SGSM2: variants seen among roughly 807,000 people sequenced by gnomAD.
SGSM2 encodes RUN and TBC1 domain containing 1.
A neutral mutation model predicts 126.6 loss-of-function variants in SGSM2; 89 were observed. That is an observed-to-expected ratio of 0.70 (90% confidence interval 0.59 to 0.84). The LOEUF (loss-of-function observed/expected upper bound fraction) is 0.84, where lower values mean the gene tolerates loss of function less well. SGSM2 is among the 40% of genes least tolerant of loss of function. The pLI is 0.00. For synonymous variants in SGSM2, 614 were observed against 574.3 expected, an observed-to-expected ratio of 1.07 and a Z score of -0.99; for missense variants, 1,404 against 1,416.6, an observed-to-expected ratio of 0.99 and a Z score of 0.14.
chr17:2,362,960 G>C lies in SGSM2; in HGVS notation c.527-29G>C. On this transcript the variant is annotated intron_variant, in intron 5 of 23. Coordinates refer to ENST00000268989, the MANE Select transcript of SGSM2 (RefSeq NM_014853.3). This position sits in a 1 kb window ranked among gnomAD's most constrained non-coding sequence, Gnocchi z 4.9. ...ACGGGGCAGGTGCTGAGGGAGCATC[G>C]TCTGGGCTGGCTGTCTCTGTCTCCA... is the stretch of plus-strand genomic sequence containing the variant. 4 of 1,614,052 alleles carry C rather than the reference G, an allele frequency of 2.5e-6. No homozygotes were observed. Among genetic ancestry groups the C allele is most frequent in the Non-Finnish European group, 3.4e-6 (4 of 1,179,996 alleles).
chr17:2,347,386 T>C (rs892098337), intron 2 of SGSM2, among the ~76,000 whole-genome samples: 1 of 150,836 alleles, frequency 6.6e-6, no homozygotes, highest in Non-Finnish European at 1.5e-5. Context: ...GGATTACAGG[T>C]GTGAACCATC....
rs59348778 is a variant in SGSM2 at position 2,380,374 on chromosome 17, G to C, written c.*854G>C. ...ATCCCAGGGTGACTCTGTCGGGGAA[G>C]AATCCGGTCACAGCCTCCCCTCAGA... On this transcript the variant is annotated 3_prime_UTR_variant, in exon 24 of 24. Coordinates refer to ENST00000268989, the MANE Select transcript of SGSM2 (RefSeq NM_014853.3). 0.065 allele frequency: 92,598 copies of C among 1,422,446 alleles called. 4,018 individuals carry two copies. Among genetic ancestry groups the C allele is most frequent in the African/African-American group, 0.16 (11,589 of 70,724 alleles). The allele number at this position is 1,422,446 out of a possible 1,614,324, so 88.1% of individuals were successfully genotyped here. A position where few individuals can be genotyped will look rare whatever the true frequency, so the allele number is the denominator to read the frequency against.
chr17:2,373,591 C>A, intron 17 of SGSM2, 78 bp downstream of exon 17: 1 of 1,349,728 alleles, frequency 7.4e-7, no homozygotes, highest in Non-Finnish European at 1.0e-6. Context: ...TGAGCACCAG[C>A]CTGACCTCTG....
intron 1 of SGSM2, among the ~76,000 whole-genome samples, chr17:2,339,784 T>C (rs1260425340): frequency 3.3e-5 from 5 of 151,474 alleles, no homozygotes; most frequent in Non-Finnish European, 7.4e-5. Flanking sequence ...TACTAGGCCC[T>C]AATGTTTGTT....
At chr17:2,345,220 T>C (rs921387745) in intron 2 of SGSM2, among the ~76,000 whole-genome samples, 11 of 152,154 alleles carry the variant, frequency 7.2e-5, no homozygotes, top group African/African-American at 2.7e-4. Context: ...CCCAGCACTT[T>C]GGGAGGTGAG....
chr17:2,374,876 CCAAA>C (rs769317308), intron 17 of SGSM2, among the ~76,000 whole-genome samples: 42 of 152,254 alleles, frequency 2.8e-4, no homozygotes, highest in African/African-American at 9.6e-4. Context: ...GAGAAAAATC[CCAAA>C]CAGTCTCTGT....
intron 2 of SGSM2, among the ~76,000 whole-genome samples, chr17:2,356,961 T>C (rs2429902): frequency 0.19 from 10,397 of 55,434 alleles, 2,073 homozygotes; most frequent in African/African-American, 0.31. Context: ...ATGGTGGAAT[T>C]GGGGTGTAAG....
At chr17:2,377,768 C>T in intron 21 of SGSM2, 89 bp from the exon 22 acceptor site, 2 of 825,938 alleles carry the variant, frequency 2.4e-6, no homozygotes, top group East Asian at 2.5e-5. Flanking sequence ...GGATCGCCTG[C>T]ATCCCTGGGC....
At position 2,380,550 on chromosome 17, in the gene SGSM2, C is replaced by T. The variant is rs2066368481; in HGVS notation, c.*1030C>T. ...GCCTTCCACATGCTTCTCAGGATGC[C>T]AAGAGGCCTAGGAACCCAGAAACCC... On this transcript the variant is annotated 3_prime_UTR_variant, in exon 24 of 24. Transcript: ENST00000268989. The T allele has an allele frequency of 3.5e-6, 2 of 567,966 alleles. No homozygotes were observed. The highest frequency in any genetic ancestry group is 3.2e-6 in the Non-Finnish European group (1 of 317,264). The allele number at this position is 567,966 out of a possible 1,614,324, so 35.2% of individuals were successfully genotyped here.
intron 19 of SGSM2, 88 bp from the exon 20 acceptor site, chr17:2,376,645 G>A: frequency 1.4e-6 from 2 of 1,395,946 alleles, no homozygotes; most frequent in East Asian, 4.6e-5. Flanking sequence ...CTTCTGGGCG[G>A]CAGGTGGCTC....
chr17:2,358,187 G>A (rs1199551044), intron 2 of SGSM2, among the ~76,000 whole-genome samples: 1 of 152,154 alleles, frequency 6.6e-6, no homozygotes, highest in African/African-American at 2.4e-5. Context: ...TGGTGCTCTG[G>A]GCCTCCAGTC....
intron 18 of SGSM2, 101 bp from the exon 19 acceptor site, chr17:2,376,036 C>A (rs1236055268): frequency 1.3e-6 from 2 of 1,574,864 alleles, no homozygotes; most frequent in African/African-American, 1.3e-5. Flanking sequence ...TCGCTCTGGT[C>A]TCTGGGTTCC....
chr17:2,378,014 C>T (rs1343627267), intron 22 of SGSM2, 61 bp downstream of exon 22: 13 of 1,085,996 alleles, frequency 1.2e-5, no homozygotes, highest in Non-Finnish European at 1.8e-5. Flanking sequence ...CCTCTTCCCC[C>T]AAGCCAACAG....
intron 2 of SGSM2, 84 bp downstream of exon 2, chr17:2,343,704 G>A (rs2064473826): frequency 8.6e-7 from 1 of 1,160,986 alleles, no homozygotes; most frequent in Admixed American, 1.9e-5. Context: ...GAGTCCTCAG[G>A]TGCAGTAGCT....
chr17:2,372,425 G>GC lies in SGSM2; in HGVS notation c.1730dup (p.Ala579GlyfsTer129). 6.3e-7 allele frequency: 1 copy of GC among 1,599,164 alleles called. No individual in the cohort carries two copies. Among genetic ancestry groups the GC allele is most frequent in the Non-Finnish European group, 8.5e-7 (1 of 1,175,158 alleles). On this transcript the variant is annotated frameshift_variant, in exon 15 of 24. Coordinates refer to ENST00000268989, the MANE Select transcript of SGSM2 (RefSeq NM_014853.3). LOFTEE classifies it high-confidence loss of function. The surrounding 1 kb of genome is among the most constrained non-coding windows in gnomAD (Gnocchi z 6.0). ...ACCATAGCGTTATCCCACCTGACCG[G>GC]CCCCCGGGGGCCTCCGCGGGCCTCA...
chr17:2,360,248 G>A (rs574566666), intron 2 of SGSM2, among the ~76,000 whole-genome samples: 2 of 152,266 alleles, frequency 1.3e-5, no homozygotes, highest in Admixed American at 6.5e-5. Flanking sequence ...AGGCTGAGGC[G>A]GGAGAATCAC....
In SGSM2 at chr17:2,379,925, G is replaced by C. The variant is rs768375647; in HGVS notation, c.*405G>C. On this transcript the variant is annotated 3_prime_UTR_variant, in exon 24 of 24. Coordinates refer to ENST00000268989, the MANE Select transcript of SGSM2 (RefSeq NM_014853.3). ...CAGCTGGGGTGGCAGAGGGCGAGAG[G>C]CTCTGTGCTGTGTCCCTTCTGAGGG... 74 of 1,315,984 alleles carry C rather than the reference G, an allele frequency of 5.6e-5. No individual in the cohort carries two copies. The highest frequency in any genetic ancestry group is 2.9e-4 in the Middle Eastern group (1 of 3,486). The allele number at this position is 1,315,984 out of a possible 1,614,324, so 81.5% of individuals were successfully genotyped here.
rs1306214619 is a variant in SGSM2 at position 2,379,822 on chromosome 17, C to T, written c.*302C>T. ...GAGTAGCCCCACTGCCACCTGCAGC[C>T]GCAGCCTGGACTGCTGCCCACGAGT... is the stretch of plus-strand genomic sequence containing the variant. On this transcript the variant is annotated 3_prime_UTR_variant, in exon 24 of 24. Coordinates refer to ENST00000268989, the MANE Select transcript of SGSM2 (RefSeq NM_014853.3). 1.2e-5 allele frequency: 16 copies of T among 1,324,746 alleles called. No homozygotes were observed. The highest frequency in any genetic ancestry group is 2.9e-5 in the African/African-American group (2 of 68,130). The allele number at this position is 1,324,746 out of a possible 1,614,324, so 82.1% of individuals were successfully genotyped here.
In SGSM2 at chr17:2,371,298, C is replaced by T. The variant is rs907117336; in HGVS notation, c.1460C>T (p.Pro487Leu). The change falls in exon 13 of 24, where the codon CCC becomes CTC. Residue 487 changes from proline (P) to leucine (L), a missense_variant. Coordinates refer to ENST00000268989, the MANE Select transcript of SGSM2 (RefSeq NM_014853.3). Reference sequence around the variant, plus strand: ...ATGATCGAGATGCAGGGCTTTGGGCCCAGCCTGCCAGCCTGGCACCTGGAG... The same window carrying T: ...ATGATCGAGATGCAGGGCTTTGGGCTCAGCCTGCCAGCCTGGCACCTGGAG... ...GDMIEMQGFGPSLPAWHLEPL... is the reference protein window; with the variant it reads ...GDMIEMQGFGLSLPAWHLEPL... 3 of 1,612,254 alleles carry T rather than the reference C, an allele frequency of 1.9e-6. No homozygotes were observed. Among genetic ancestry groups the T allele is most frequent in the African/African-American group, 1.3e-5 (1 of 74,926 alleles).
Sources: allele counts gnomAD v4.1 joint callset (sites outside exome capture counted in the v4.1 genomes callset), GRCh38; gene constraint gnomAD v4.1.1; non-coding constraint Gnocchi (gnomAD v3.1); transcripts MANE v1.5; gene names NCBI Gene and HGNC (gene_info 2026-07-23, HGNC 2026-07-21).